Variants in MAP3K4 observed in about 807,000 individuals in gnomAD.
MAP3K4 encodes MAP three kinase 1.
Under a neutral mutation model 185.6 loss-of-function variants are expected in MAP3K4, and 67 were observed. That is an observed-to-expected ratio of 0.36 (90% CI 0.30 to 0.44). MAP3K4 has a LOEUF of 0.44. MAP3K4 is among the 20% of genes least tolerant of loss of function. The pLI is 1.00. For missense variants in MAP3K4, 1,551 were observed against 1,995.1 expected, an observed-to-expected ratio of 0.78 and a Z score of 4.24; for synonymous variants, 702 against 710.4, an observed-to-expected ratio of 0.99 and a Z score of 0.19.
intron 3 of MAP3K4, among the ~76,000 whole-genome samples, chr6:161,059,568 G>A (rs1784399068): frequency 6.6e-6 from 1 of 151,856 alleles, no homozygotes; most frequent in Non-Finnish European, 1.5e-5. Context: ...TTGATCTGTT[G>A]GAACTATTTA....
intron 17 of MAP3K4, among the ~76,000 whole-genome samples, chr6:161,099,775 C>T (rs549566553): frequency 7.6e-4 from 115 of 152,292 alleles, no homozygotes; most frequent in African/African-American, 2.7e-3. Flanking sequence ...AAGGTTGATG[C>T]ACTGTGTTTT....
Position 161,112,781 on chromosome 6 carries a change from G to A in MAP3K4, c.4626+7G>A, listed in dbSNP as rs535221793. 46 of 1,577,540 alleles carry A rather than the reference G, an allele frequency of 2.9e-5. No individual in the cohort carries two copies. The highest frequency in any genetic ancestry group is 2.6e-4 in the South Asian group (22 of 84,264). ...AGAGATGGTGACTGGCAAGGTAAGCGGAGCCCCCACACCTGGCGGAGCAAC... is the reference window on the plus strand; with the variant it reads ...AGAGATGGTGACTGGCAAGGTAAGCAGAGCCCCCACACCTGGCGGAGCAAC... On this transcript the variant is annotated splice_region_variant and intron_variant, in intron 25 of 26. Coordinates refer to ENST00000392142, the MANE Select transcript of MAP3K4 (RefSeq NM_005922.4). The surrounding 1 kb of genome is among the most constrained non-coding windows in gnomAD (Gnocchi z 5.1).
chr6:161,028,269 TC>T (rs139672207), intron 1 of MAP3K4, among the ~76,000 whole-genome samples: 6,478 of 151,918 alleles, frequency 0.043, 171 homozygotes, highest in Non-Finnish European at 0.054. Context: ...AAGCACAAGT[TC>T]CAGTGGCATT....
chr6:161,051,837 CT>C lies in MAP3K4; in HGVS notation c.1707+1864del, dbSNP rs1562507727. On this transcript the variant is annotated intron_variant, in intron 3 of 26. Coordinates refer to ENST00000392142, the MANE Select transcript of MAP3K4 (RefSeq NM_005922.4). This position sits in a 1 kb window ranked among gnomAD's most constrained non-coding sequence, Gnocchi z 4.2. The stretch of plus-strand genomic sequence containing the variant: ...TGTGTAAATAGTTGTTATACTGTAT[CT>C]TTTTTGTTTGTATTATTACTATTAC... Among the ~76,000 whole-genome samples, 1 of 152,086 alleles carries C rather than the reference CT, an allele frequency of 6.6e-6. No individual in the cohort carries two copies. The highest frequency in any genetic ancestry group is 2.4e-5 in the African/African-American group (1 of 41,420).
At chr6:161,111,701 A>T in intron 23 of MAP3K4, 135 bp from the exon 24 acceptor site, 1 of 913,796 alleles carries the variant, frequency 1.1e-6, no homozygotes, top group Non-Finnish European at 1.7e-6. Context: ...CTATGATTAC[A>T]CTTTGTAAGT....
chr6:161,046,162 G>A (rs1359885634), intron 2 of MAP3K4, among the ~76,000 whole-genome samples: 3 of 152,114 alleles, frequency 2.0e-5, no homozygotes, highest in Admixed American at 1.3e-4. Context: ...GTGATACAAT[G>A]TATATGTCAT....
chr6:161,005,703 A>G (rs1053037983), intron 1 of MAP3K4, among the ~76,000 whole-genome samples: 36 of 152,340 alleles, frequency 2.4e-4, no homozygotes, highest in African/African-American at 7.2e-4. Flanking sequence ...ATAAACATGT[A>G]TAAGTTTAGG....
At chr6:161,042,734 G>A (rs1381849978) in intron 2 of MAP3K4, among the ~76,000 whole-genome samples, 2 of 152,130 alleles carry the variant, frequency 1.3e-5, no homozygotes, top group African/African-American at 4.8e-5. Context: ...GTTTAAGTAG[G>A]TGAAATAGGA....
At chr6:161,105,898 C>T (rs1583241629) in intron 19 of MAP3K4, among the ~76,000 whole-genome samples, 1 of 149,632 alleles carries the variant, frequency 6.7e-6, no homozygotes. Flanking sequence ...TGCAGTGGTG[C>T]AATCTTGACT....
rs773122218 is a variant in MAP3K4, at chr6:161,108,701, T to G, written c.4120-42T>G. 10 of 1,129,052 alleles carry G rather than the reference T, an allele frequency of 8.9e-6. No homozygotes were observed. In the African/African-American group the frequency reaches 1.4e-4, roughly 16 times the overall value. 69.9% of individuals were successfully genotyped at this position (1,129,052 alleles called of 1,614,324 possible). ...AGTGTATGTGTATAATGTAGAGTGA[T>G]TAAATCAAGCCAGTTAACATTTTTG... On this transcript the variant is annotated intron_variant, in intron 21 of 26. Coordinates refer to ENST00000392142, the MANE Select transcript of MAP3K4 (RefSeq NM_005922.4). The surrounding 1 kb of genome is among the most constrained non-coding windows in gnomAD (Gnocchi z 5.7).
At chr6:161,004,156 A>T (rs1395403799) in intron 1 of MAP3K4, among the ~76,000 whole-genome samples, 1 of 152,172 alleles carries the variant, frequency 6.6e-6, no homozygotes, top group African/African-American at 2.4e-5. Flanking sequence ...TAGGTAAGTA[A>T]TGTGAATATC....
intron 1 of MAP3K4, among the ~76,000 whole-genome samples, chr6:160,997,838 C>A (rs564051444): frequency 2.6e-4 from 39 of 152,214 alleles, no homozygotes; most frequent in African/African-American, 9.4e-4. Context: ...AATTAGGATT[C>A]TTTCCTGGGA....
Position 161,114,423 on chromosome 6 carries a change from G to A in MAP3K4, c.4627-700G>A, listed in dbSNP as rs1562551542. ...GTTAATTATAATGTAGCTATGCCTT[G>A]CAGCTGCTGAAACAGATCACATATA... On this transcript the variant is annotated intron_variant, in intron 25 of 26. Transcript: ENST00000392142. This position sits in a 1 kb window ranked among gnomAD's most constrained non-coding sequence, Gnocchi z 4.3. Among the ~76,000 whole-genome samples the A allele has an allele frequency of 6.6e-6, 1 of 152,168 alleles. No individual in the cohort carries two copies. Among genetic ancestry groups the A allele is most frequent in the Non-Finnish European group, 1.5e-5 (1 of 68,042 alleles).
Position 161,102,794 on chromosome 6 carries a change from G to A in MAP3K4, c.3856+15G>A. 3.0e-6 allele frequency: 2 copies of A among 675,252 alleles called. No individual in the cohort carries two copies. The highest frequency in any genetic ancestry group is 4.7e-6 in the Non-Finnish European group (2 of 425,682). 41.8% of individuals were successfully genotyped at this position (675,252 alleles called of 1,614,324 possible). The stretch of plus-strand genomic sequence containing the variant: ...CCAGAGTAAAGGTGAGAGAAAGAGT[G>A]TTGAAGTTAAAAAAAAAAAAAAAAA... On this transcript the variant is annotated intron_variant, in intron 19 of 26. Coordinates refer to ENST00000392142, the MANE Select transcript of MAP3K4 (RefSeq NM_005922.4).
In MAP3K4 at chr6:161,097,183, G is replaced by T; in HGVS notation, c.3524+7G>T. The T allele has an allele frequency of 6.2e-7, 1 of 1,612,688 alleles. No individual in the cohort carries two copies. The highest frequency in any genetic ancestry group is 8.5e-7 in the Non-Finnish European group (1 of 1,178,810). On this transcript the variant is annotated splice_region_variant and intron_variant, in intron 16 of 26. Transcript: ENST00000392142. The surrounding 1 kb of genome is among the most constrained non-coding windows in gnomAD (Gnocchi z 4.9). ...CCACTCCAGAGGGATTCAGGTATTT[G>T]GTGCTTATCTAGTCATTTGCTTTAC... is the stretch of plus-strand genomic sequence containing the variant.
Position 160,991,908 on chromosome 6 carries a change from G to A in MAP3K4, c.-24G>A. Reference sequence around the variant, plus strand: ...CAGGCTGCAGCTTACTGCCCGCCGCGGCCATGCGGGGCTCCGTGCACGGAT... The same window carrying A: ...CAGGCTGCAGCTTACTGCCCGCCGCAGCCATGCGGGGCTCCGTGCACGGAT... On this transcript the variant is annotated 5_prime_UTR_variant, in exon 1 of 27. Transcript: ENST00000392142. The surrounding 1 kb of genome is among the most constrained non-coding windows in gnomAD (Gnocchi z 5.7). 6.7e-7 allele frequency: 1 copy of A among 1,496,202 alleles called. No homozygotes were observed. The highest frequency in any genetic ancestry group is 8.8e-7 in the Non-Finnish European group (1 of 1,131,574). The allele number at this position is 1,496,202 out of a possible 1,614,324, so 92.7% of individuals were successfully genotyped here.
chr6:161,095,975 C>G (rs1356935102), intron 15 of MAP3K4, among the ~76,000 whole-genome samples: 3 of 152,018 alleles, frequency 2.0e-5, no homozygotes, highest in Non-Finnish European at 4.4e-5. Flanking sequence ...TTCCCAGTAT[C>G]TTTGCTCAAT....
Position 161,084,749 on chromosome 6 carries a change from G to A in MAP3K4, c.2372+132G>A. On this transcript the variant is annotated intron_variant, in intron 7 of 26. Coordinates refer to ENST00000392142, the MANE Select transcript of MAP3K4 (RefSeq NM_005922.4). This position sits in a 1 kb window ranked among gnomAD's most constrained non-coding sequence, Gnocchi z 4.6. ...AAGAATTTGGGCAGTAGATGTAAAG[G>A]GATTTATTTATAACTGCCTTGTCTT... 1.9e-6 allele frequency: 1 copy of A among 530,426 alleles called. No individual in the cohort carries two copies. Among genetic ancestry groups the A allele is most frequent in the Non-Finnish European group, 3.4e-6 (1 of 290,008 alleles). The allele number at this position is 530,426 out of a possible 1,614,324, so 32.9% of individuals were successfully genotyped here.
rs771403560 is a variant in MAP3K4 at position 161,034,527 on chromosome 6, ATTTCT to A, written c.343+82_343+86del. 1.7e-6 allele frequency: 2 copies of A among 1,187,258 alleles called. No individual in the cohort carries two copies. Among genetic ancestry groups the A allele is most frequent in the Non-Finnish European group, 2.3e-6 (2 of 861,792 alleles). 73.5% of individuals were successfully genotyped at this position (1,187,258 alleles called of 1,614,324 possible). ...GATTCTTTCAACAATAAAGTTAGCAATTTCTTTTATTTTTAATTTGATTTTAATGC... is the reference window on the plus strand; with the variant it reads ...GATTCTTTCAACAATAAAGTTAGCAATTTATTTTTAATTTGATTTTAATGC... On this transcript the variant is annotated intron_variant, in intron 2 of 26. Coordinates refer to ENST00000392142, the MANE Select transcript of MAP3K4 (RefSeq NM_005922.4). This position sits in a 1 kb window ranked among gnomAD's most constrained non-coding sequence, Gnocchi z 4.4.
Sources: allele counts gnomAD v4.1 joint callset (sites outside exome capture counted in the v4.1 genomes callset), GRCh38; gene constraint gnomAD v4.1.1; non-coding constraint Gnocchi (gnomAD v3.1); transcripts MANE v1.5; gene names NCBI Gene and HGNC (gene_info 2026-07-23, HGNC 2026-07-21).